MYO16: variants seen among roughly 807,000 people sequenced by gnomAD.
MYO16 encodes unconventional myosin-XVI.
MYO16 carries 94 observed loss-of-function variants against 205.3 expected under a neutral mutation model. The observed-to-expected ratio is 0.46, with a 90% CI of 0.39 to 0.54. The LOEUF (loss-of-function observed/expected upper bound fraction) is 0.54. Ranked by LOEUF, MYO16 falls within the 20% of genes least tolerant of loss-of-function variation. The pLI is 0.00. For missense variants in MYO16, 2,315 were observed against 2,387.5 expected (o/e 0.97, Z 0.63); for synonymous variants, 988 against 954.0 (o/e 1.04, Z -0.66).
intron 16 of MYO16, among the ~76,000 whole-genome samples, chr13:108,940,008 A>G (rs532229287): frequency 2.0e-5 from 3 of 152,368 alleles, no homozygotes; most frequent in Non-Finnish European, 2.9e-5. Flanking sequence ...ACAACATGCA[A>G]TAATGACTGA....
rs928615146 is a variant in MYO16, at chr13:108,619,499, G to T, written c.-39+23260G>T. 2.0e-5 allele frequency among the ~76,000 whole-genome samples: 3 copies of T among 152,090 alleles called. No individual in the cohort carries two copies. The East Asian group carries it at 5.8e-4, about 29-fold the overall frequency. On this transcript the variant is annotated intron_variant, in intron 1 of 24. Transcript: ENST00000251041. ...GTCTGTATGTTGAAATGTCTGCCTT[G>T]ATAGATACTCGAGGGTGTAAAAGTA...
intron 13 of MYO16, among the ~76,000 whole-genome samples, chr13:108,884,075 A>G (rs768736523): frequency 1.2e-4 from 18 of 152,182 alleles, no homozygotes; most frequent in African/African-American, 3.4e-4. Context: ...CTCTATAAAT[A>G]CTCACTCACG....
At chr13:108,538,570 G>A in the MYO16 span, among the ~76,000 whole-genome samples, 1 of 151,964 alleles carries the variant, frequency 6.6e-6, no homozygotes, top group Non-Finnish European at 1.5e-5. Context: ...AGCTCTGAAT[G>A]GAATGAAAGT....
intron 16 of MYO16, among the ~76,000 whole-genome samples, chr13:108,940,439 C>CA (rs1238306072): frequency 6.6e-6 from 1 of 152,152 alleles, no homozygotes; most frequent in Admixed American, 6.5e-5. Flanking sequence ...TCTCTATGTG[C>CA]ATTCCAATTA....
intron 19 of MYO16, among the ~76,000 whole-genome samples, chr13:108,963,866 G>A (rs1026306377): frequency 1.3e-5 from 2 of 152,118 alleles, no homozygotes; most frequent in Non-Finnish European, 2.9e-5. Context: ...CTCTAGGAAC[G>A]TCAATTTCAC....
At chr13:108,934,869 T>C (rs1882411036) in intron 16 of MYO16, among the ~76,000 whole-genome samples, 1 of 152,178 alleles carries the variant, frequency 6.6e-6, no homozygotes, top group Non-Finnish European at 1.5e-5. Context: ...ACACTATTTA[T>C]TGAATTGGGA....
intron 28 of MYO16, among the ~76,000 whole-genome samples, chr13:109,114,625 A>G (rs1342665583): frequency 6.6e-6 from 1 of 152,230 alleles, no homozygotes; most frequent in Non-Finnish European, 1.5e-5. Flanking sequence ...TATTGTGGAT[A>G]TCACAAGTGC....
At chr13:108,902,755 T>C (rs1408621933) in intron 15 of MYO16, among the ~76,000 whole-genome samples, 3 of 152,308 alleles carry the variant, frequency 2.0e-5, no homozygotes, top group Non-Finnish European at 2.9e-5. Flanking sequence ...ACTGGTCACA[T>C]TGGATTAGGA....
intron 23 of MYO16, among the ~76,000 whole-genome samples, chr13:109,046,657 G>A (rs1156737299): frequency 2.6e-5 from 4 of 152,132 alleles, no homozygotes; most frequent in African/African-American, 7.2e-5. Flanking sequence ...AATGTGAACC[G>A]TCACTATTTG....
chr13:109,144,210 T>C (rs964255902), intron 32 of MYO16, among the ~76,000 whole-genome samples: 1 of 152,202 alleles, frequency 6.6e-6, no homozygotes, highest in South Asian at 2.1e-4. Context: ...GGATGGGGTT[T>C]CACCATGTTA....
chr13:109,184,749 A>G (rs1879611304), intron 34 of MYO16, among the ~76,000 whole-genome samples: 1 of 151,178 alleles, frequency 6.6e-6, no homozygotes, highest in Non-Finnish European at 1.5e-5. Flanking sequence ...GGCGCGTGCC[A>G]CCACACTTGG....
chr13:108,854,017 G>A lies in MYO16; in HGVS notation c.1249-1426G>A, dbSNP rs149635091. 5.8e-4 allele frequency among the ~76,000 whole-genome samples: 81 copies of A among 139,600 alleles called. No homozygotes were observed. In the East Asian group the frequency reaches 0.016, roughly 28 times the overall value. 91.6% of individuals were successfully genotyped at this position (139,600 alleles called of 152,430 possible). A position where few individuals can be genotyped will look rare whatever the true frequency, so the allele number is the denominator to read the frequency against. The stretch of plus-strand genomic sequence containing the variant: ...TTGTTTGTTTGTTTGCTTTTGAGAC[G>A]GAGTCTTGCTCTGTTGTCCAGGCTG... On this transcript the variant is annotated intron_variant, in intron 10 of 34. Transcript: ENST00000457511.
the MYO16 span, among the ~76,000 whole-genome samples, chr13:108,500,858 C>G: frequency 5.3e-5 from 8 of 152,108 alleles, no homozygotes; most frequent in Admixed American, 1.3e-4. Flanking sequence ...AGTGCCTGCT[C>G]CTCCCCATGA....
the MYO16 span, among the ~76,000 whole-genome samples, chr13:108,499,242 G>C: frequency 6.6e-6 from 1 of 152,158 alleles, no homozygotes; most frequent in Admixed American, 6.5e-5. Flanking sequence ...ATTCTATAGT[G>C]ACATTTCCTG....
At chr13:109,153,141 A>G (rs1387253950) in intron 32 of MYO16, among the ~76,000 whole-genome samples, 1 of 152,172 alleles carries the variant, frequency 6.6e-6, no homozygotes, top group Non-Finnish European at 1.5e-5. Context: ...GTTCTCTTTC[A>G]TTTTAAAGTG....
intron 2 of MYO16, among the ~76,000 whole-genome samples, chr13:108,687,095 A>G (rs1240857007): frequency 6.6e-6 from 1 of 152,256 alleles, no homozygotes; most frequent in Non-Finnish European, 1.5e-5. Context: ...TTGTTTTCAG[A>G]TAACAAGGAT....
intron 2 of MYO16, among the ~76,000 whole-genome samples, chr13:108,677,615 A>G (rs1177624657): frequency 4.0e-5 from 6 of 151,866 alleles, no homozygotes; most frequent in Admixed American, 1.3e-4. Context: ...GCTCTTTATA[A>G]TTAAAAAATT....
chr13:109,118,495 C>T (rs919371175), intron 28 of MYO16, among the ~76,000 whole-genome samples: 4 of 152,214 alleles, frequency 2.6e-5, no homozygotes, highest in African/African-American at 9.7e-5. Flanking sequence ...GCATGTTGCT[C>T]TCCTTCCATG....
chr13:108,712,856 T>A, intron 3 of MYO16, 125 bp downstream of exon 3: 2 of 685,820 alleles, frequency 2.9e-6, no homozygotes, highest in Non-Finnish European at 4.7e-6. Flanking sequence ...GTGTTTCTAA[T>A]TAACAGGCTT....
Sources: allele counts gnomAD v4.1 joint callset (sites outside exome capture counted in the v4.1 genomes callset), GRCh38; gene constraint gnomAD v4.1.1; transcripts MANE v1.5; gene names NCBI Gene and HGNC (gene_info 2026-07-23, HGNC 2026-07-21).